Variants in FILIP1 observed in about 807,000 individuals in gnomAD.
FILIP1 encodes the protein filamin-A-interacting protein 1.
In FILIP1, 61 loss-of-function variants were observed where a neutral mutation model predicts 102.1. The ratio of observed to expected loss-of-function variants is 0.60; its 90% CI spans 0.49 to 0.74. The LOEUF is 0.74. FILIP1 is among the 30% of genes least tolerant of loss of function. The pLI is 0.00. For synonymous variants in FILIP1, 491 were observed against 526.9 expected, an observed-to-expected ratio of 0.93 and a Z score of 0.93; for missense variants, 1,314 against 1,441.2, an observed-to-expected ratio of 0.91 and a Z score of 1.43.
chr6:75,372,695 G>GGA (rs1775589171), intron 2 of FILIP1, among the ~76,000 whole-genome samples: 3 of 28,340 alleles, frequency 1.1e-4, no homozygotes, highest in African/African-American at 6.2e-4. Flanking sequence ...GAGAAAGAAA[G>GGA]AGAAAGAAAG....
At chr6:75,447,571 TAGAA>T (rs1378740773) in intron 1 of FILIP1, among the ~76,000 whole-genome samples, 1 of 152,142 alleles carries the variant, frequency 6.6e-6, no homozygotes, top group African/African-American at 2.4e-5. Flanking sequence ...AATCATAGGA[TAGAA>T]AGATAGATGG....
At chr6:75,470,464 T>C (rs1320615366) in intron 1 of FILIP1, among the ~76,000 whole-genome samples, 1 of 152,196 alleles carries the variant, frequency 6.6e-6, no homozygotes, top group Non-Finnish European at 1.5e-5. Context: ...TGACTATGTG[T>C]GGCTGGGCAA....
intron 1 of FILIP1, among the ~76,000 whole-genome samples, chr6:75,442,089 G>A (rs1339357260): frequency 1.3e-5 from 2 of 151,954 alleles, no homozygotes; most frequent in Non-Finnish European, 2.9e-5. Flanking sequence ...GGGCGGCCGG[G>A]CAGAGACGCT....
At chr6:75,421,083 TA>T (rs1214724878) in intron 1 of FILIP1, among the ~76,000 whole-genome samples, 1 of 152,134 alleles carries the variant, frequency 6.6e-6, no homozygotes, top group Non-Finnish European at 1.5e-5. Context: ...ACTAAAATAA[TA>T]AAATTTTCAT....
intron 4 of FILIP1, among the ~76,000 whole-genome samples, chr6:75,332,242 T>A (rs941931294): frequency 1.3e-5 from 2 of 152,212 alleles, no homozygotes; most frequent in African/African-American, 4.8e-5. Context: ...GACAACAATA[T>A]GCCTTTTATT....
At chr6:75,429,782 A>G (rs1234237736) in intron 1 of FILIP1, among the ~76,000 whole-genome samples, 2 of 152,186 alleles carry the variant, frequency 1.3e-5, no homozygotes, top group Non-Finnish European at 2.9e-5. Flanking sequence ...AGTCAAGGAA[A>G]TATGATACTG....
At chr6:75,369,164 T>C (rs1040517427) in intron 2 of FILIP1, among the ~76,000 whole-genome samples, 3 of 152,208 alleles carry the variant, frequency 2.0e-5, no homozygotes, top group African/African-American at 4.8e-5. Flanking sequence ...CTGACCTTTC[T>C]GCACCAAAGA....
At chr6:75,361,305 G>C (rs1775165981) in intron 3 of FILIP1, among the ~76,000 whole-genome samples, 1 of 152,136 alleles carries the variant, frequency 6.6e-6, no homozygotes, top group Admixed American at 6.6e-5. Context: ...CAGTGGATTG[G>C]AGGCAGTAAT....
At chr6:75,359,383 A>C (rs558481469) in intron 3 of FILIP1, among the ~76,000 whole-genome samples, 1 of 152,292 alleles carries the variant, frequency 6.6e-6, no homozygotes, top group African/African-American at 2.4e-5. Flanking sequence ...GAAAGATGAG[A>C]TAAAAGGAGA....
intron 2 of FILIP1, among the ~76,000 whole-genome samples, chr6:75,366,719 A>G (rs955916866): frequency 6.6e-6 from 1 of 152,220 alleles, no homozygotes; most frequent in Non-Finnish European, 1.5e-5. Context: ...TTTTTGCTGC[A>G]GGGGTAGAAA....
intron 2 of FILIP1, among the ~76,000 whole-genome samples, chr6:75,372,169 A>T (rs1775541141): frequency 6.6e-6 from 1 of 152,128 alleles, no homozygotes; most frequent in Non-Finnish European, 1.5e-5. Context: ...GGAGTTTGAG[A>T]CCAGCCTGAC....
At chr6:75,352,897 A>C (rs2149601409) in intron 4 of FILIP1, among the ~76,000 whole-genome samples, 1 of 151,454 alleles carries the variant, frequency 6.6e-6, no homozygotes, top group Middle Eastern at 3.4e-3. Flanking sequence ...ATTGATCATA[A>C]ACTTATCAAT....
intron 4 of FILIP1, among the ~76,000 whole-genome samples, chr6:75,330,583 T>C (rs769017561): frequency 3.3e-5 from 5 of 152,170 alleles, no homozygotes; most frequent in Non-Finnish European, 4.4e-5. Flanking sequence ...GCAGCTTTTG[T>C]GAACTGCTTT....
intron 1 of FILIP1, among the ~76,000 whole-genome samples, chr6:75,433,344 TC>T (rs1218729195): frequency 6.6e-6 from 1 of 152,194 alleles, no homozygotes; most frequent in African/African-American, 2.4e-5. Flanking sequence ...AACTGTTGTT[TC>T]CTGACTTTTT....
Position 75,314,605 on chromosome 6 carries a change from C to A in FILIP1, c.1227G>T (p.Lys409Asn), listed in dbSNP as rs777385545. 1 of 1,613,884 alleles carries A rather than the reference C, an allele frequency of 6.2e-7. No individual in the cohort carries two copies. Among genetic ancestry groups the A allele is most frequent in the East Asian group, 2.2e-5 (1 of 44,866 alleles). The change falls in exon 5 of 6, where the codon AAG becomes AAT. Residue 409 changes from lysine (K) to asparagine (N), a missense_variant. Physicochemically the swap from Lys to Asn is moderately conservative, Grantham distance 94 (BLOSUM62 0). This residue lies in a region of FILIP1 where 494 missense variants were observed against 511.2 expected (regional missense o/e 0.97). Transcript: ENST00000237172. ...KTESQCRELR[K>N]KLQEEEHHSK... ...TATGGTGTTCTTCCTCTTGCAGCTT[C>A]TTCCTCAATTCCCTACACTGGGATT... is the stretch of plus-strand genomic sequence containing the variant.
intron 4 of FILIP1, among the ~76,000 whole-genome samples, chr6:75,320,593 G>T (rs998075146): frequency 6.6e-6 from 1 of 152,036 alleles, no homozygotes; most frequent in Non-Finnish European, 1.5e-5. Flanking sequence ...AAGAAAAAAA[G>T]AAAACAAATA....
chr6:75,409,842 GC>G (rs1418773309), intron 2 of FILIP1, among the ~76,000 whole-genome samples: 1 of 151,486 alleles, frequency 6.6e-6, no homozygotes, highest in Non-Finnish European at 1.5e-5. Context: ...CAGTCCTATG[GC>G]CCCCACCCAG....
chr6:75,413,003 A>G (rs2808199), intron 2 of FILIP1, among the ~76,000 whole-genome samples: 112,300 of 152,080 alleles, frequency 0.74, 41,959 homozygotes, highest in African/African-American at 0.86. Context: ...CTTTGGAGCC[A>G]TCTGACTAAT....
intron 1 of FILIP1, among the ~76,000 whole-genome samples, chr6:75,452,100 G>GT (rs35845880): frequency 0.65 from 95,398 of 146,696 alleles, 31,034 homozygotes; most frequent in African/African-American, 0.75. Flanking sequence ...TTCTACCAAA[G>GT]TTTTTTTTTT....
Sources: allele counts gnomAD v4.1 joint callset (sites outside exome capture counted in the v4.1 genomes callset), GRCh38; gene constraint gnomAD v4.1.1; regional missense constraint gnomAD v4.1.1; transcripts MANE v1.5; gene names NCBI Gene and HGNC (gene_info 2026-07-23, HGNC 2026-07-21).